The following RIC1 variants were observed in gnomAD, a reference collection of about 807,000 sequenced individuals.
The protein encoded by RIC1 is RIC1 partner of RAB6A GEF complex.
Under a neutral mutation model 169.0 loss-of-function variants are expected in RIC1, and 88 were observed. The observed-to-expected ratio is 0.52, with a 90% confidence interval of 0.44 to 0.62. The LOEUF (loss-of-function observed/expected upper bound fraction) is 0.62, where lower values mean the gene tolerates loss of function less well. Among genes scored for constraint, RIC1 ranks in the 20% least tolerant of loss-of-function variants. The pLI is 0.00. For synonymous variants in RIC1, 790 were observed against 601.5 expected (o/e 1.31, Z -4.59); for missense variants, 1,877 against 1,725.5 (o/e 1.09, Z -1.56).
intron 2 of RIC1, among the ~76,000 whole-genome samples, chr9:5,660,366 C>G (rs1819381422): frequency 6.6e-6 from 1 of 152,106 alleles, no homozygotes; most frequent in East Asian, 1.9e-4. Context: ...GGGGGGTATA[C>G]CCAGTAATGA....
At chr9:5,652,336 C>T (rs541844158) in intron 1 of RIC1, among the ~76,000 whole-genome samples, 11 of 152,290 alleles carry the variant, frequency 7.2e-5, no homozygotes, top group Non-Finnish European at 1.2e-4. Context: ...TTTTTCCAAT[C>T]TATAAACATG....
intron 6 of RIC1, among the ~76,000 whole-genome samples, chr9:5,721,668 T>C (rs1038675778): frequency 6.6e-6 from 1 of 152,182 alleles, no homozygotes; most frequent in Non-Finnish European, 1.5e-5. Flanking sequence ...AAAGTGGGTT[T>C]TCACTGGGGA....
At chr9:5,688,257 C>G (rs1001711120) in intron 2 of RIC1, among the ~76,000 whole-genome samples, 16 of 152,170 alleles carry the variant, frequency 1.1e-4, no homozygotes. Flanking sequence ...CTTCTCAACT[C>G]TGGAAGTCTG....
At chr9:5,739,871 A>G (rs1464921716) in intron 8 of RIC1, among the ~76,000 whole-genome samples, 2 of 151,670 alleles carry the variant, frequency 1.3e-5, no homozygotes, top group Non-Finnish European at 2.9e-5. Flanking sequence ...ATTTTTTTCC[A>G]ATCAGTGCCT....
intron 1 of RIC1, among the ~76,000 whole-genome samples, chr9:5,643,499 C>A (rs1032807478): frequency 6.6e-5 from 10 of 151,922 alleles, no homozygotes; most frequent in African/African-American, 2.4e-4. Flanking sequence ...CAGGGTGAAA[C>A]CCTTTCTCAA....
chr9:5,668,638 C>G (rs982277589), intron 2 of RIC1, among the ~76,000 whole-genome samples: 7 of 152,112 alleles, frequency 4.6e-5, no homozygotes, highest in Non-Finnish European at 2.9e-5. Context: ...GTACATTTAT[C>G]TTTTCCGTCT....
At chr9:5,695,264 T>G (rs1374601505) in intron 3 of RIC1, among the ~76,000 whole-genome samples, 1 of 152,234 alleles carries the variant, frequency 6.6e-6, no homozygotes, top group Non-Finnish European at 1.5e-5. Context: ...TTTTAGGTCC[T>G]ATAATAATTT....
chr9:5,635,058 G>T (rs1342550936), intron 1 of RIC1, among the ~76,000 whole-genome samples: 3 of 152,060 alleles, frequency 2.0e-5, no homozygotes, highest in Non-Finnish European at 2.9e-5. Context: ...CATGATCATG[G>T]CTTACTGCAG....
At chr9:5,686,836 C>A (rs1385975793) in intron 2 of RIC1, among the ~76,000 whole-genome samples, 1 of 151,908 alleles carries the variant, frequency 6.6e-6, no homozygotes, top group Non-Finnish European at 1.5e-5. Context: ...ATGTCTTTGT[C>A]TGGTTTTGTT....
At chr9:5,720,370 G>A (rs1186058473) in intron 5 of RIC1, 46 bp downstream of exon 5, 25 of 1,555,462 alleles carry the variant, frequency 1.6e-5, no homozygotes, top group Non-Finnish European at 2.2e-5. Flanking sequence ...TTTAATGTTT[G>A]ATGTCTAGTT....
At chr9:5,778,448 T>C (rs1186347374), downstream of RIC1, among the ~76,000 whole-genome samples, 8 of 152,200 alleles carry the variant, frequency 5.3e-5, no homozygotes, top group Non-Finnish European at 1.0e-4. Context: ...GTGGCAATAG[T>C]GGATATCCTT....
chr9:5,727,646 C>G (rs1824082433), intron 6 of RIC1, among the ~76,000 whole-genome samples: 1 of 152,196 alleles, frequency 6.6e-6, no homozygotes, highest in Non-Finnish European at 1.5e-5. Context: ...TTTAGCTTTT[C>G]TGCTCTGGTT....
chr9:5,733,686 G>A (rs1824515380), intron 7 of RIC1, among the ~76,000 whole-genome samples: 1 of 152,070 alleles, frequency 6.6e-6, no homozygotes, highest in Non-Finnish European at 1.5e-5. Flanking sequence ...TCATTGAGCA[G>A]TTAAATGTAG....
chr9:5,671,868 G>A (rs933537731), intron 2 of RIC1, among the ~76,000 whole-genome samples: 1 of 152,168 alleles, frequency 6.6e-6, no homozygotes, highest in Admixed American at 6.5e-5. Flanking sequence ...CACTGAGACA[G>A]GATCTGAGAT....
chr9:5,686,734 A>G (rs971190118), intron 2 of RIC1, among the ~76,000 whole-genome samples: 2 of 152,108 alleles, frequency 1.3e-5, no homozygotes, highest in Non-Finnish European at 2.9e-5. Context: ...ATATGTAACT[A>G]ACCTGCACAA....
At chr9:5,705,027 G>T (rs1429606560) in intron 3 of RIC1, among the ~76,000 whole-genome samples, 1 of 152,102 alleles carries the variant, frequency 6.6e-6, no homozygotes, top group Non-Finnish European at 1.5e-5. Flanking sequence ...CTGTATGTCT[G>T]CCCTTGTATC....
intron 2 of RIC1, among the ~76,000 whole-genome samples, chr9:5,682,461 T>G (rs1044846833): frequency 3.3e-5 from 5 of 152,220 alleles, no homozygotes; most frequent in African/African-American, 9.6e-5. Context: ...GAAAATTCTT[T>G]TCTTTAAGAA....
intron 1 of RIC1, among the ~76,000 whole-genome samples, chr9:5,637,440 A>T (rs1213166239): frequency 6.6e-6 from 1 of 152,222 alleles, no homozygotes; most frequent in Non-Finnish European, 1.5e-5. Context: ...CATCCCCTCA[A>T]GCATTTAACC....
At position 5,738,547 on chromosome 9, in the gene RIC1, T is replaced by C; in HGVS notation, c.901+9T>C. The C allele has an allele frequency of 8.5e-6, 5 of 590,952 alleles. No homozygotes were observed. Among genetic ancestry groups the C allele is most frequent in the South Asian group, 3.2e-5 (1 of 31,302 alleles). 36.6% of individuals were successfully genotyped at this position (590,952 alleles called of 1,614,324 possible). On this transcript the variant is annotated intron_variant, in intron 8 of 25. Transcript: ENST00000414202. ...AGCAAAACAGTATCCTGGTGAGTCT[T>C]TTTTTTTTTTTTTTTTTTTAACATT... is the stretch of plus-strand genomic sequence containing the variant.
Sources: gnomAD v4.1 joint callset for allele counts (sites outside exome capture counted in the v4.1 genomes callset) on GRCh38, gnomAD v4.1.1 for gene constraint, MANE v1.5 for transcripts, NCBI Gene and HGNC (gene_info 2026-07-23, HGNC 2026-07-21) for gene names.